RGS6: variants seen among roughly 807,000 people sequenced by gnomAD.
RGS6 encodes regulator of G protein signaling 6, also known as regulator of G-protein signaling 6.
RGS6 carries 30 observed loss-of-function variants against 78.5 expected under a neutral mutation model. The ratio of observed to expected loss-of-function variants is 0.38; its 90% confidence interval spans 0.29 to 0.52. RGS6 has a LOEUF of 0.52. Among genes scored for constraint, RGS6 ranks in the 20% least tolerant of loss-of-function variants. The pLI is 0.85. For synonymous variants in RGS6, 206 were observed against 206.0 expected, an observed-to-expected ratio of 1.00 and a Z score of 0.00; for missense variants, 495 against 609.7, an observed-to-expected ratio of 0.81 and a Z score of 1.98.
In RGS6 at chr14:72,458,853, A is replaced by G. The variant is rs372131146; in HGVS notation, c.342+476A>G. The stretch of plus-strand genomic sequence containing the variant: ...CACTAATCTCACCTGTGAGGGCTTC[A>G]AAGGCCCCACCTCCCAATACCATCA... On this transcript the variant is annotated intron_variant, in intron 5 of 17. Transcript: ENST00000553525. Among the ~76,000 whole-genome samples, 8 of 152,280 alleles carry G rather than the reference A, an allele frequency of 5.3e-5. No homozygotes were observed. The East Asian group carries it at 1.2e-3, about 22-fold the overall frequency.
At chr14:72,465,912 C>A in intron 7 of RGS6, 90 bp downstream of exon 7, 1 of 1,075,524 alleles carries the variant, frequency 9.3e-7, no homozygotes, top group Non-Finnish European at 1.4e-6. Flanking sequence ...TTTCTTTTGT[C>A]CCCCTTTTGT....
intron 2 of RGS6, among the ~76,000 whole-genome samples, chr14:71,983,444 A>G (rs572275743): frequency 2.0e-5 from 3 of 152,354 alleles, no homozygotes; most frequent in South Asian, 4.1e-4. Context: ...CCCACAAACT[A>G]TGGCTTAAGA....
At chr14:72,573,928 C>G in the RGS6 span, among the ~76,000 whole-genome samples, 1 of 152,220 alleles carries the variant, frequency 6.6e-6, no homozygotes, top group African/African-American at 2.4e-5. Flanking sequence ...CCAAGGTGAA[C>G]TCACTGAGCC....
chr14:72,371,365 T>G (rs1022343799), intron 3 of RGS6, among the ~76,000 whole-genome samples: 2 of 152,180 alleles, frequency 1.3e-5, no homozygotes, highest in Non-Finnish European at 2.9e-5. Flanking sequence ...GAAAAAATGC[T>G]AAGTGGAATG....
chr14:72,518,547 TC>T lies in RGS6; in HGVS notation c.1278+11del. The stretch of plus-strand genomic sequence containing the variant: ...ATTTGAAGACGCCCAGGTTTGCTTA[TC>T]TACTCAAGTGGTTGTCATAAGGTGT... On this transcript the variant is annotated intron_variant, in intron 15 of 17. Transcript: ENST00000553525. 1 of 1,613,358 alleles carries T rather than the reference TC, an allele frequency of 6.2e-7. No homozygotes were observed. Among genetic ancestry groups the T allele is most frequent in the Middle Eastern group, 1.6e-4 (1 of 6,062 alleles).
intron 2 of RGS6, among the ~76,000 whole-genome samples, chr14:71,995,792 ACT>A (rs2095176030): frequency 1.3e-5 from 2 of 151,876 alleles, no homozygotes; most frequent in South Asian, 4.1e-4. Flanking sequence ...TTACTTTGCT[ACT>A]CTCCATCCCC....
the RGS6 span, among the ~76,000 whole-genome samples, chr14:71,927,161 TG>T: frequency 2.0e-5 from 3 of 152,228 alleles, no homozygotes; most frequent in Non-Finnish European, 4.4e-5. Flanking sequence ...CATGGTTATT[TG>T]GGGCCTGGTG....
intron 7 of RGS6, among the ~76,000 whole-genome samples, chr14:72,468,374 T>TG (rs2095980584): frequency 1.0e-5 from 1 of 96,790 alleles, no homozygotes; most frequent in Non-Finnish European, 2.3e-5. Context: ...AGACTCCGTC[T>TG]CAAAAAAAAA....
At chr14:72,595,050 G>A in the RGS6 span, 1 of 152,006 alleles carries the variant, frequency 6.6e-6, no homozygotes, top group Non-Finnish European at 1.5e-5. Flanking sequence ...GCTAAGCATG[G>A]TGTCTCCCAT....
chr14:72,426,967 C>A (rs2094456830), intron 3 of RGS6, among the ~76,000 whole-genome samples: 1 of 152,202 alleles, frequency 6.6e-6, no homozygotes, highest in Non-Finnish European at 1.5e-5. Flanking sequence ...TGCTTAGAAT[C>A]CAGCTGCCCT....
At chr14:72,313,625 G>T (rs2069225917) in intron 2 of RGS6, among the ~76,000 whole-genome samples, 1 of 152,020 alleles carries the variant, frequency 6.6e-6, no homozygotes, top group African/African-American at 2.4e-5. Flanking sequence ...AGAGAAGCTA[G>T]CTTATCTACA....
At chr14:72,205,048 G>T (rs752096179) in intron 2 of RGS6, among the ~76,000 whole-genome samples, 3 of 152,168 alleles carry the variant, frequency 2.0e-5, no homozygotes, top group Non-Finnish European at 4.4e-5. Flanking sequence ...CAGATAGAGG[G>T]CAGAGCAGAG....
intron 2 of RGS6, among the ~76,000 whole-genome samples, chr14:72,052,136 T>C (rs1024757919): frequency 6.6e-6 from 1 of 152,150 alleles, no homozygotes; most frequent in African/African-American, 2.4e-5. Context: ...GAAAAATGTA[T>C]TTGGAGTTAC....
At chr14:72,297,429 A>T (rs568836950) in intron 2 of RGS6, among the ~76,000 whole-genome samples, 5,556 of 139,924 alleles carry the variant, frequency 0.04, 109 homozygotes, top group Middle Eastern at 0.077. Context: ...TATTATTATT[A>T]TTTTTTTTTT....
intron 2 of RGS6, among the ~76,000 whole-genome samples, chr14:72,301,859 C>T (rs2066139848): frequency 6.6e-6 from 1 of 152,118 alleles, no homozygotes; most frequent in African/African-American, 2.4e-5. Context: ...CACACTACTC[C>T]AGGACAACCT....
the RGS6 span, among the ~76,000 whole-genome samples, chr14:71,925,168 G>A: frequency 6.6e-6 from 1 of 152,168 alleles, no homozygotes; most frequent in Non-Finnish European, 1.5e-5. Context: ...ATGATTTAAT[G>A]ATGTGGAACA....
At chr14:71,923,010 C>T in the RGS6 span, among the ~76,000 whole-genome samples, 1 of 152,208 alleles carries the variant, frequency 6.6e-6, no homozygotes, top group Non-Finnish European at 1.5e-5. Flanking sequence ...AGAATCAGGA[C>T]ATGGCAGGAC....
the RGS6 span, among the ~76,000 whole-genome samples, chr14:72,584,119 A>G: frequency 2.0e-5 from 3 of 152,252 alleles, no homozygotes; most frequent in African/African-American, 7.2e-5. Flanking sequence ...ACTCAGAGAC[A>G]GGAAATGTGG....
intron 3 of RGS6, among the ~76,000 whole-genome samples, chr14:72,391,950 A>G (rs556084585): frequency 6.2e-4 from 95 of 152,322 alleles, no homozygotes; most frequent in Non-Finnish European, 1.2e-3. Flanking sequence ...ATGGCTGCAT[A>G]GTATTCCATG....
Sources: allele counts gnomAD v4.1 joint callset (sites outside exome capture counted in the v4.1 genomes callset), GRCh38; gene constraint gnomAD v4.1.1; transcripts MANE v1.5; gene names NCBI Gene and HGNC (gene_info 2026-07-23, HGNC 2026-07-21).